EFNA5: variants seen among roughly 807,000 people sequenced by gnomAD.
The protein encoded by EFNA5 is ephrin-A5.
EFNA5 carries 5 observed loss-of-function variants against 22.9 expected under a neutral mutation model. The ratio of observed to expected loss-of-function variants is 0.22; its 90% CI spans 0.11 to 0.46. The LOEUF (loss-of-function observed/expected upper bound fraction) is 0.46. Among genes scored for constraint, EFNA5 ranks in the 20% least tolerant of loss-of-function variants. The probability of loss-of-function intolerance (pLI) is 0.99; values close to 1 mark genes in which losing one functional copy is unlikely to be tolerated. For missense variants in EFNA5, 237 were observed against 293.3 expected, an observed-to-expected ratio of 0.81 and a Z score of 1.40; for synonymous variants, 113 against 112.2, an observed-to-expected ratio of 1.01 and a Z score of -0.04.
At chr5:107,638,209 C>A (rs959167686) in intron 1 of EFNA5, among the ~76,000 whole-genome samples, 1 of 151,994 alleles carries the variant, frequency 6.6e-6, no homozygotes, top group African/African-American at 2.4e-5. Flanking sequence ...TCATAGATAA[C>A]CTAAGGGTTC....
At chr5:107,525,350 CTCT>C (rs1236951961) in intron 1 of EFNA5, among the ~76,000 whole-genome samples, 1 of 152,070 alleles carries the variant, frequency 6.6e-6, no homozygotes, top group Admixed American at 6.5e-5. Flanking sequence ...GCTGTCTTAT[CTCT>C]TTTTTCCCTA....
chr5:107,580,102 G>C (rs1487870443), intron 1 of EFNA5, among the ~76,000 whole-genome samples: 2 of 152,166 alleles, frequency 1.3e-5, no homozygotes, highest in Admixed American at 1.3e-4. Flanking sequence ...AAGGGTGCTT[G>C]ACAAGTCTAT....
chr5:107,434,816 T>C (rs1357140934), intron 1 of EFNA5, among the ~76,000 whole-genome samples: 2 of 152,234 alleles, frequency 1.3e-5, no homozygotes, highest in Non-Finnish European at 2.9e-5. Context: ...GATAGTTGAT[T>C]ATTACATTTT....
intron 2 of EFNA5, among the ~76,000 whole-genome samples, chr5:107,421,796 C>CTTTTT (rs35309302): frequency 6.9e-6 from 1 of 144,114 alleles, no homozygotes; most frequent in Non-Finnish European, 1.5e-5. Flanking sequence ...TTCTTTCTTT[C>CTTTTT]TTTTTTTTTT....
intron 2 of EFNA5, among the ~76,000 whole-genome samples, chr5:107,413,002 T>C (rs1186251206): frequency 6.6e-6 from 1 of 152,164 alleles, no homozygotes; most frequent in Non-Finnish European, 1.5e-5. Context: ...CCATTAATTT[T>C]GACAGAAACT....
In EFNA5 at chr5:107,415,580, G is replaced by A. The variant is rs944671196; in HGVS notation, c.418+11637C>T. 7.2e-5 allele frequency among the ~76,000 whole-genome samples: 11 copies of A among 152,194 alleles called. No homozygotes were observed. The South Asian group carries it at 1.2e-3, about 17-fold the overall frequency. On this transcript the variant is annotated intron_variant, in intron 2 of 4. Coordinates refer to ENST00000333274, the MANE Select transcript of EFNA5 (RefSeq NM_001962.3). ...GCTGCTGGGTGGGCTCCCTGACTCC[G>A]GTAATCACCCTCATGAACCAGTGCC...
chr5:107,489,540 C>T (rs1475586823), intron 1 of EFNA5, among the ~76,000 whole-genome samples: 2 of 151,930 alleles, frequency 1.3e-5, no homozygotes, highest in Admixed American at 1.3e-4. Context: ...AAAATCATAC[C>T]TAAAAAAGTT....
At chr5:107,502,778 C>T (rs186010816) in intron 1 of EFNA5, among the ~76,000 whole-genome samples, 7 of 152,200 alleles carry the variant, frequency 4.6e-5, no homozygotes, top group South Asian at 2.1e-4. Context: ...CGCAGGCATA[C>T]GACACTCCAT....
At chr5:107,646,069 C>T (rs961328394) in intron 1 of EFNA5, among the ~76,000 whole-genome samples, 2 of 152,152 alleles carry the variant, frequency 1.3e-5, no homozygotes, top group African/African-American at 4.8e-5. Flanking sequence ...AACTAAAGCA[C>T]AGCTCTTTTT....
chr5:107,639,667 A>AT (rs1343225456), intron 1 of EFNA5, among the ~76,000 whole-genome samples: 1 of 152,104 alleles, frequency 6.6e-6, no homozygotes, highest in East Asian at 1.9e-4. Flanking sequence ...TGGTAGTAGT[A>AT]TTTTTTTTCT....
chr5:107,560,729 T>G (rs552005832), intron 1 of EFNA5, among the ~76,000 whole-genome samples: 1 of 152,274 alleles, frequency 6.6e-6, no homozygotes, highest in South Asian at 2.1e-4. Flanking sequence ...CTCTCCTTGC[T>G]CCCATCCCCA....
chr5:107,624,163 C>T (rs751107311), intron 1 of EFNA5, among the ~76,000 whole-genome samples: 1 of 151,958 alleles, frequency 6.6e-6, no homozygotes, highest in Admixed American at 6.6e-5. Flanking sequence ...AGGACACTAA[C>T]GATCTATAAT....
chr5:107,430,254 G>A (rs1748913208), intron 1 of EFNA5, among the ~76,000 whole-genome samples: 1 of 152,140 alleles, frequency 6.6e-6, no homozygotes, highest in African/African-American at 2.4e-5. Flanking sequence ...AGATAAAAGG[G>A]TGCTGGGATA....
chr5:107,383,673 T>C (rs572517682), intron 4 of EFNA5, among the ~76,000 whole-genome samples: 1 of 152,304 alleles, frequency 6.6e-6, no homozygotes, highest in East Asian at 1.9e-4. Context: ...CTTGCAAGTG[T>C]ACTGTTAAAG....
chr5:107,466,282 T>G (rs1440596679), intron 1 of EFNA5, among the ~76,000 whole-genome samples: 1 of 152,104 alleles, frequency 6.6e-6, no homozygotes, highest in African/African-American at 2.4e-5. Context: ...GTGTCAAAGG[T>G]GCAGGTATTA....
intron 1 of EFNA5, among the ~76,000 whole-genome samples, chr5:107,546,027 T>C (rs1398824327): frequency 6.6e-6 from 1 of 151,816 alleles, no homozygotes; most frequent in Admixed American, 6.6e-5. Flanking sequence ...AGAGGAAGAG[T>C]GGACCTTTGG....
intron 1 of EFNA5, among the ~76,000 whole-genome samples, chr5:107,611,752 C>T (rs1286726789): frequency 6.6e-6 from 1 of 152,178 alleles, no homozygotes; most frequent in Non-Finnish European, 1.5e-5. Context: ...ATTGGTGAGG[C>T]AGCAGGCCAG....
intron 1 of EFNA5, among the ~76,000 whole-genome samples, chr5:107,584,858 G>C (rs1749143644): frequency 6.6e-6 from 1 of 152,196 alleles, no homozygotes; most frequent in Non-Finnish European, 1.5e-5. Context: ...TAAGAGGTTT[G>C]ACCCATTGCA....
At chr5:107,476,735 T>TTCCCTC (rs140206115) in intron 1 of EFNA5, among the ~76,000 whole-genome samples, 2 of 148,122 alleles carry the variant, frequency 1.4e-5, no homozygotes, top group African/African-American at 5.0e-5. Context: ...TTTTTTCTCT[T>TTCCCTC]TCTCTCTCTC....
Sources: allele counts gnomAD v4.1 joint callset (sites outside exome capture counted in the v4.1 genomes callset), GRCh38; gene constraint gnomAD v4.1.1; transcripts MANE v1.5; gene names NCBI Gene and HGNC (gene_info 2026-07-23, HGNC 2026-07-21).